Variants in AGBL1 observed in about 807,000 individuals in gnomAD.
The protein encoded by AGBL1 is cytosolic carboxypeptidase 4.
AGBL1 carries 130 observed loss-of-function variants against 118.9 expected under a neutral mutation model. The ratio of observed to expected loss-of-function variants is 1.09; its 90% CI spans 0.95 to 1.26. The LOEUF is 1.26. Ranked by LOEUF, AGBL1 falls within the 50% of genes most tolerant of loss-of-function variation. The pLI is 0.00. For synonymous variants in AGBL1, 555 were observed against 478.9 expected, an observed-to-expected ratio of 1.16 and a Z score of -2.08; for missense variants, 1,584 against 1,298.1, an observed-to-expected ratio of 1.22 and a Z score of -3.38.
intron 22 of AGBL1, among the ~76,000 whole-genome samples, chr15:86,841,071 C>T (rs1035457814): frequency 6.6e-6 from 1 of 152,160 alleles, no homozygotes; most frequent in African/African-American, 2.4e-5. Context: ...CTAGGACAAG[C>T]CCAGCGATGC....
At chr15:86,755,681 C>A (rs142056010) in intron 22 of AGBL1, among the ~76,000 whole-genome samples, 6 of 152,104 alleles carry the variant, frequency 3.9e-5, no homozygotes, top group Non-Finnish European at 8.8e-5. Flanking sequence ...TGCCTCTGTT[C>A]CTTCATGTAC....
intron 1 of AGBL1, among the ~76,000 whole-genome samples, chr15:86,132,232 C>G (rs1025844605): frequency 7.2e-5 from 11 of 152,078 alleles, no homozygotes; most frequent in African/African-American, 2.7e-4. Context: ...GGGTAGAGGA[C>G]AAGGAAAAGG....
chr15:86,587,881 T>A (rs1378822631), intron 21 of AGBL1, among the ~76,000 whole-genome samples: 4 of 152,138 alleles, frequency 2.6e-5, no homozygotes, highest in African/African-American at 9.7e-5. Flanking sequence ...AAGTATCATA[T>A]CACAGTAGGA....
intron 22 of AGBL1, among the ~76,000 whole-genome samples, chr15:86,740,261 C>T (rs2077658506): frequency 6.6e-6 from 1 of 152,198 alleles, no homozygotes; most frequent in Non-Finnish European, 1.5e-5. Flanking sequence ...TGCCCCAGAC[C>T]TTTCAGACAT....
At chr15:86,952,877 C>T (rs73447193) in intron 23 of AGBL1, among the ~76,000 whole-genome samples, 2,443 of 152,126 alleles carry the variant, frequency 0.016, 64 homozygotes, top group African/African-American at 0.056. Flanking sequence ...GGTAAGGGTC[C>T]AGTTTCATTC....
chr15:86,722,669 A>G (rs1385737049), intron 22 of AGBL1, among the ~76,000 whole-genome samples: 1 of 152,226 alleles, frequency 6.6e-6, no homozygotes, highest in Non-Finnish European at 1.5e-5. Context: ...GATCTAATTA[A>G]ACTAAAGAGC....
chr15:86,271,565 G>T, intron 14 of AGBL1, 54 bp from the exon 15 acceptor site: 2 of 1,385,366 alleles, frequency 1.4e-6, no homozygotes, highest in South Asian at 1.2e-5. Flanking sequence ...TCATTATTTG[G>T]CCCAGAACAA....
intron 17 of AGBL1, among the ~76,000 whole-genome samples, chr15:86,329,125 C>G (rs75651624): frequency 0.01 from 1,525 of 152,186 alleles, 32 homozygotes; most frequent in African/African-American, 0.034. Context: ...CAGCCAGGGC[C>G]ATCTTGGCAG....
At chr15:86,256,724 A>G in intron 7 of AGBL1, 129 bp from the exon 8 acceptor site, 1 of 876,536 alleles carries the variant, frequency 1.1e-6, no homozygotes, top group South Asian at 1.8e-5. Context: ...GTCCATGCGT[A>G]TAATTCATTA....
intron 24 of AGBL1, among the ~76,000 whole-genome samples, chr15:87,003,046 G>A (rs1021333182): frequency 6.6e-6 from 1 of 152,128 alleles, no homozygotes; most frequent in East Asian, 1.9e-4. Context: ...GGGCATCCCT[G>A]TCTTGTGCCA....
chr15:86,184,217 T>C (rs1408310183), intron 5 of AGBL1, among the ~76,000 whole-genome samples: 1 of 152,220 alleles, frequency 6.6e-6, no homozygotes, highest in Non-Finnish European at 1.5e-5. Flanking sequence ...TGGAGACAAA[T>C]GTTCATTCCA....
At chr15:86,776,576 G>A (rs1048346782) in intron 22 of AGBL1, among the ~76,000 whole-genome samples, 3 of 151,338 alleles carry the variant, frequency 2.0e-5, no homozygotes, top group Non-Finnish European at 2.9e-5. Context: ...CTTTGTTCCA[G>A]GGATTGTAAT....
chr15:86,349,332 A>G lies in AGBL1; in HGVS notation c.2375-48034A>G, dbSNP rs1010983036. Among the ~76,000 whole-genome samples, 2 of 152,246 alleles carry G rather than the reference A, an allele frequency of 1.3e-5. 1 individual carries two copies. Among genetic ancestry groups the G allele is most frequent in the African/African-American group, 4.8e-5 (2 of 41,472 alleles). ...TCTACAATGCACAAGACAACCACCT[A>G]TAACAAGGAATTATATGATCCATAA... On this transcript the variant is annotated intron_variant, in intron 17 of 22. Transcript: ENST00000614907.
chr15:86,683,529 A>G (rs1425924449), intron 22 of AGBL1, among the ~76,000 whole-genome samples: 2 of 152,174 alleles, frequency 1.3e-5, no homozygotes, highest in Non-Finnish European at 2.9e-5. Context: ...AGTCCAGGGA[A>G]TCTAAGTGAC....
At chr15:86,191,679 C>G (rs971620552) in intron 5 of AGBL1, among the ~76,000 whole-genome samples, 5 of 152,058 alleles carry the variant, frequency 3.3e-5, no homozygotes, top group African/African-American at 1.2e-4. Flanking sequence ...GTCAGGCATC[C>G]TTCACTTGCC....
intron 22 of AGBL1, among the ~76,000 whole-genome samples, chr15:86,694,759 G>T (rs1447017857): frequency 2.6e-5 from 4 of 151,882 alleles, no homozygotes; most frequent in Non-Finnish European, 5.9e-5. Context: ...TTACATTAAG[G>T]TATGTCCCTT....
At chr15:86,564,183 C>T (rs1201676525) in intron 21 of AGBL1, among the ~76,000 whole-genome samples, 1 of 152,124 alleles carries the variant, frequency 6.6e-6, no homozygotes, top group Non-Finnish European at 1.5e-5. Context: ...ATAATGTTAA[C>T]TGGTTATTTT....
intron 17 of AGBL1, among the ~76,000 whole-genome samples, chr15:86,338,751 A>C (rs1440153876): frequency 2.0e-5 from 3 of 152,122 alleles, no homozygotes; most frequent in East Asian, 3.9e-4. Flanking sequence ...AACCAGGAAA[A>C]CCGGTGTAGA....
intron 18 of AGBL1, among the ~76,000 whole-genome samples, chr15:86,430,481 C>T (rs1478777452): frequency 4.1e-5 from 6 of 145,844 alleles, no homozygotes; most frequent in Non-Finnish European, 6.0e-5. Context: ...GGTGAAAAAG[C>T]GCCGTCGCAA....
Sources: allele counts gnomAD v4.1 joint callset (sites outside exome capture counted in the v4.1 genomes callset), GRCh38; gene constraint gnomAD v4.1.1; transcripts MANE v1.5; gene names NCBI Gene and HGNC (gene_info 2026-07-23, HGNC 2026-07-21).